The following MAN1C1 variants were observed in gnomAD, a reference collection of about 807,000 sequenced individuals.
The protein encoded by MAN1C1 is mannosidase alpha class 1C member 1, also known as mannosyl-oligosaccharide 1,2-alpha-mannosidase IC.
A neutral mutation model predicts 71.5 loss-of-function variants in MAN1C1; 49 were observed. The observed-to-expected ratio is 0.69, with a 90% CI of 0.54 to 0.87. The LOEUF (loss-of-function observed/expected upper bound fraction) is 0.87, where lower values mean the gene tolerates loss of function less well. MAN1C1 is among the 40% of genes least tolerant of loss of function. The pLI, the probability that MAN1C1 is intolerant of heterozygous loss-of-function variation, is 0.00. For missense variants in MAN1C1, 743 were observed against 835.0 expected, an observed-to-expected ratio of 0.89 and a Z score of 1.36; for synonymous variants, 352 against 343.7, an observed-to-expected ratio of 1.02 and a Z score of -0.27.
At chr1:25,767,663 C>T (rs571526379) in intron 7 of MAN1C1, among the ~76,000 whole-genome samples, 4 of 131,630 alleles carry the variant, frequency 3.0e-5, no homozygotes, top group Non-Finnish European at 6.4e-5. Flanking sequence ...ACACACAGAC[C>T]CACACAGCCA....
At chr1:25,680,049 A>G (rs2046129887) in intron 1 of MAN1C1, among the ~76,000 whole-genome samples, 4 of 151,046 alleles carry the variant, frequency 2.6e-5, no homozygotes, top group African/African-American at 9.7e-5. Flanking sequence ...TGACTTTTAA[A>G]GTATAAATTT....
rs1491027383 is a variant in MAN1C1, at chr1:25,633,548, TTC to T, written c.540+15212_540+15213del. 2.9e-3 allele frequency among the ~76,000 whole-genome samples: 377 copies of T among 130,560 alleles called. 2 individuals are homozygous for T. Among genetic ancestry groups the T allele is most frequent in the African/African-American group, 9.7e-3 (270 of 27,866 alleles). 85.7% of individuals were successfully genotyped at this position (130,560 alleles called of 152,430 possible). On this transcript the variant is annotated intron_variant, in intron 1 of 11. Transcript: ENST00000374332. The stretch of plus-strand genomic sequence containing the variant: ...GACCTTGTTTGTCTTTTTTTTTTTT[TTC>T]ACTGTTGTTGCTGTACAGTCTGTCT...
At position 25,746,597 on chromosome 1, in the gene MAN1C1, C is replaced by A. The variant is rs765797920; in HGVS notation, c.638-71C>A. 1.9e-5 allele frequency: 23 copies of A among 1,221,782 alleles called. No homozygotes were observed. The highest frequency in any genetic ancestry group is 3.8e-5 in the Admixed American group (2 of 52,150). The allele number at this position is 1,221,782 out of a possible 1,614,324, so 75.7% of individuals were successfully genotyped here. On this transcript the variant is annotated intron_variant, in intron 2 of 11. Coordinates refer to ENST00000374332, the MANE Select transcript of MAN1C1 (RefSeq NM_020379.4). This position sits in a 1 kb window ranked among gnomAD's most constrained non-coding sequence, Gnocchi z 4.0. ...GCTGGCATTGGAGGGGCCCTGAGAACGGTGGCTTGTCCAGTTGGGGAAAAG... is the reference window on the plus strand; with the variant it reads ...GCTGGCATTGGAGGGGCCCTGAGAAAGGTGGCTTGTCCAGTTGGGGAAAAG...
chr1:25,657,774 A>C (rs115458542), intron 1 of MAN1C1, among the ~76,000 whole-genome samples: 2,682 of 152,324 alleles, frequency 0.018, 42 homozygotes, highest in Middle Eastern at 0.068. Context: ...CTTTGGCCTC[A>C]GTAAGTTATT....
intron 1 of MAN1C1, among the ~76,000 whole-genome samples, chr1:25,680,406 A>G (rs150314101): frequency 6.6e-6 from 1 of 152,238 alleles, no homozygotes; most frequent in African/African-American, 2.4e-5. Context: ...AATCACCACA[A>G]TCAATTGTAG....
rs1202748683 is a variant in MAN1C1 at position 25,769,132 on chromosome 1, C to A, written c.1142-2525C>A. Reference sequence around the variant, plus strand: ...ACACACACACCACACACTCCCTTCACACACTACACACTCCCCTCACACATT... The same window carrying A: ...ACACACACACCACACACTCCCTTCAAACACTACACACTCCCCTCACACATT... On this transcript the variant is annotated intron_variant, in intron 7 of 11. Transcript: ENST00000374332. This position sits in a 1 kb window ranked among gnomAD's most constrained non-coding sequence, Gnocchi z 4.8. Among the ~76,000 whole-genome samples, 1 of 146,390 alleles carries A rather than the reference C, an allele frequency of 6.8e-6. No individual in the cohort carries two copies. Among genetic ancestry groups the A allele is most frequent in the African/African-American group, 2.5e-5 (1 of 39,528 alleles).
intron 2 of MAN1C1, among the ~76,000 whole-genome samples, chr1:25,694,773 T>G (rs1393711446): frequency 1.3e-5 from 2 of 152,248 alleles, no homozygotes; most frequent in African/African-American, 2.4e-5. Context: ...AGATAGTTTG[T>G]GAAAACCAGC....
chr1:25,713,962 C>A (rs908397725), intron 2 of MAN1C1, among the ~76,000 whole-genome samples: 16 of 152,140 alleles, frequency 1.1e-4, no homozygotes, highest in Admixed American at 9.8e-4. Context: ...AATAGACACA[C>A]CAGCTGGCAT....
At chr1:25,647,532 A>G (rs1012318939) in intron 1 of MAN1C1, among the ~76,000 whole-genome samples, 3 of 151,362 alleles carry the variant, frequency 2.0e-5, no homozygotes, top group Admixed American at 6.6e-5. Context: ...ACTCCAAGCA[A>G]TGCCCCTCTC....
At chr1:25,665,720 ATT>A (rs2045913293) in intron 1 of MAN1C1, among the ~76,000 whole-genome samples, 1 of 152,104 alleles carries the variant, frequency 6.6e-6, no homozygotes, top group Non-Finnish European at 1.5e-5. Context: ...AAGTCAGGTT[ATT>A]TCCATCATCC....
chr1:25,709,305 A>G (rs1442241264), intron 2 of MAN1C1, among the ~76,000 whole-genome samples: 1 of 152,216 alleles, frequency 6.6e-6, no homozygotes, highest in Non-Finnish European at 1.5e-5. Flanking sequence ...AGTTTAGGAA[A>G]GTCCAGCAGG....
chr1:25,782,631 A>C lies in MAN1C1; in HGVS notation c.1697A>C (p.Gln566Pro). 1 of 1,614,108 alleles carries C rather than the reference A, an allele frequency of 6.2e-7. No individual in the cohort carries two copies. Among genetic ancestry groups the C allele is most frequent in the East Asian group, 2.2e-5 (1 of 44,866 alleles). ...CRTEAGFSGI[Q>P]DVYSSTPNHD... ...ACAGAAGCCGGTTTCTCTGGGATCC[A>C]AGACGTGTACAGTAGCACCCCCAAC... Residue 566 changes from glutamine to proline, a missense_variant, in exon 11 of 12, where the codon CAA becomes CCA. By Grantham distance (76) the Gln-to-Pro change is moderately conservative (BLOSUM62 -1). Coordinates refer to ENST00000374332, the MANE Select transcript of MAN1C1 (RefSeq NM_020379.4). This position sits in a 1 kb window ranked among gnomAD's most constrained non-coding sequence, Gnocchi z 4.4.
chr1:25,743,485 G>T (rs575621133), intron 2 of MAN1C1, among the ~76,000 whole-genome samples: 2 of 152,176 alleles, frequency 1.3e-5, no homozygotes, highest in Admixed American at 6.5e-5. Flanking sequence ...CAGCCTGACC[G>T]CTGAGTAGCC....
intron 2 of MAN1C1, among the ~76,000 whole-genome samples, chr1:25,745,418 C>T (rs369389833): frequency 2.6e-5 from 4 of 151,900 alleles, no homozygotes; most frequent in Admixed American, 6.6e-5. Flanking sequence ...CCTGTAATCC[C>T]GGCACTCAGA....
Position 25,711,263 on chromosome 1 carries a change from G to C in MAN1C1, c.637+24727G>C, listed in dbSNP as rs951943326. Reference sequence around the variant, plus strand: ...GTTAATTGGCCAGCCTGGACACAAGGAGTGAAGAGAGAGACTCCATCTCTT... The same window carrying C: ...GTTAATTGGCCAGCCTGGACACAAGCAGTGAAGAGAGAGACTCCATCTCTT... On this transcript the variant is annotated intron_variant, in intron 2 of 11. Coordinates refer to ENST00000374332, the MANE Select transcript of MAN1C1 (RefSeq NM_020379.4). The surrounding 1 kb of genome is among the most constrained non-coding windows in gnomAD (Gnocchi z 4.3). 1.3e-5 allele frequency among the ~76,000 whole-genome samples: 2 copies of C among 152,194 alleles called. No individual in the cohort carries two copies. The highest frequency in any genetic ancestry group is 2.9e-5 in the Non-Finnish European group (2 of 68,042).
chr1:25,620,163 G>C (rs1228914230), intron 1 of MAN1C1, among the ~76,000 whole-genome samples: 1 of 152,172 alleles, frequency 6.6e-6, no homozygotes, highest in East Asian at 1.9e-4. Flanking sequence ...AGTGGCTGGA[G>C]GGTGGGAAGA....
At chr1:25,635,857 T>G (rs776718306) in intron 1 of MAN1C1, among the ~76,000 whole-genome samples, 17 of 152,214 alleles carry the variant, frequency 1.1e-4, no homozygotes, top group Non-Finnish European at 2.4e-4. Flanking sequence ...GCTCGGCTAC[T>G]GGGGGAACCC....
chr1:25,644,719 C>G (rs1265483993), intron 1 of MAN1C1: 2 of 151,464 alleles, frequency 1.3e-5, no homozygotes, highest in Non-Finnish European at 2.9e-5. Context: ...TGGGGTTTTG[C>G]CATGTGACCC....
chr1:25,783,551 A>C (rs1011398662), intron 11 of MAN1C1, 112 bp from the exon 12 acceptor site: 13 of 1,260,182 alleles, frequency 1.0e-5, no homozygotes, highest in Admixed American at 1.8e-5. Context: ...AAGGCTCCAG[A>C]CCTTGACCAT....
Sources: allele counts gnomAD v4.1 joint callset (sites outside exome capture counted in the v4.1 genomes callset), GRCh38; gene constraint gnomAD v4.1.1; non-coding constraint Gnocchi (gnomAD v3.1); transcripts MANE v1.5; gene names NCBI Gene and HGNC (gene_info 2026-07-23, HGNC 2026-07-21).